ELL2: variants seen among roughly 807,000 people sequenced by gnomAD.
ELL2 encodes the protein RNA polymerase II elongation factor ELL2.
Under a neutral mutation model 72.8 loss-of-function variants are expected in ELL2, and 21 were observed. The ratio of observed to expected loss-of-function variants is 0.29; its 90% CI spans 0.20 to 0.42. The LOEUF (loss-of-function observed/expected upper bound fraction) is 0.42. Ranked by LOEUF, ELL2 falls within the 10% of genes least tolerant of loss-of-function variation. ELL2 has a pLI of 1.00. For missense variants in ELL2, 568 were observed against 772.8 expected, an observed-to-expected ratio of 0.73 and a Z score of 3.14; for synonymous variants, 266 against 283.2, an observed-to-expected ratio of 0.94 and a Z score of 0.61.
intron 5 of ELL2, among the ~76,000 whole-genome samples, chr5:95,906,070 A>G (rs1044324995): frequency 1.3e-5 from 2 of 152,224 alleles, no homozygotes; most frequent in Non-Finnish European, 2.9e-5. Context: ...AAAAAGATAG[A>G]GTAATAAGGG....
rs1748486094 is a variant in ELL2, at chr5:95,886,985, T to TATC, written c.*1883_*1885dup. On this transcript the variant is annotated 3_prime_UTR_variant, in exon 12 of 12. Coordinates refer to ENST00000237853, the MANE Select transcript of ELL2 (RefSeq NM_012081.6). ...TATAGACGAACCACTCAGGAGACTC[T>TATC]ATCATAATAATATGATGCCTGAATT... 2 of 152,222 alleles carry TATC rather than the reference T, an allele frequency of 1.3e-5. No homozygotes were observed. Among genetic ancestry groups the TATC allele is most frequent in the Admixed American group, 6.5e-5 (1 of 15,272 alleles). 9.4% of individuals were successfully genotyped at this position (152,222 alleles called of 1,614,324 possible).
At chr5:95,950,814 A>G (rs1467937216) in intron 1 of ELL2, among the ~76,000 whole-genome samples, 1 of 149,224 alleles carries the variant, frequency 6.7e-6, no homozygotes, top group East Asian at 2.0e-4. Flanking sequence ...ATTTAGCACA[A>G]TCCTTGTTTT....
chr5:95,889,039 A>G, intron 11 of ELL2, 47 bp downstream of exon 11: 1 of 1,593,478 alleles, frequency 6.3e-7, no homozygotes, highest in Middle Eastern at 1.7e-4. Context: ...CAGAATTTAC[A>G]ACATTTTTCA....
At position 95,907,292 on chromosome 5, in the gene ELL2, A is replaced by ATTTTTTT. The variant is rs895711670; in HGVS notation, c.482-511_482-510insAAAAAAA. Among the ~76,000 whole-genome samples the ATTTTTTT allele has an allele frequency of 9.9e-3, 749 of 75,988 alleles. 13 individuals are homozygous for ATTTTTTT. The highest frequency in any genetic ancestry group is 0.054 in the African/African-American group (722 of 13,404). The allele number at this position is 75,988 out of a possible 152,430, so 49.9% of individuals were successfully genotyped here. On this transcript the variant is annotated intron_variant, in intron 4 of 11. Coordinates refer to ENST00000237853, the MANE Select transcript of ELL2 (RefSeq NM_012081.6). ...ATCCGTTAGTGATATATATATATAT[A>ATTTTTTT]TATATTTTTTTTTTTTACAGGCCAA...
chr5:95,919,862 T>C (rs1043555966), intron 2 of ELL2, among the ~76,000 whole-genome samples: 2 of 152,204 alleles, frequency 1.3e-5, no homozygotes, highest in African/African-American at 4.8e-5. Flanking sequence ...GAAAGAGTTA[T>C]TAGTGAATTT....
chr5:95,938,593 G>GC (rs1373085529), intron 2 of ELL2, among the ~76,000 whole-genome samples: 1 of 152,064 alleles, frequency 6.6e-6, no homozygotes, highest in Non-Finnish European at 1.5e-5. Flanking sequence ...TCATGGCTGT[G>GC]TATCTATAAT....
intron 4 of ELL2, among the ~76,000 whole-genome samples, chr5:95,907,296 A>ATATATATTTTTTTTTTTTTT: frequency 1.4e-4 from 16 of 116,482 alleles, no homozygotes; most frequent in African/African-American, 6.1e-4. Context: ...ATATATATAT[A>ATATATATTTTTTTTTTTTTT]TTTTTTTTTT....
chr5:95,904,013 A>G lies in ELL2; in HGVS notation c.741+2510T>C, dbSNP rs113270639. On this transcript the variant is annotated intron_variant, in intron 5 of 11. Coordinates refer to ENST00000237853, the MANE Select transcript of ELL2 (RefSeq NM_012081.6). ...TTATCACAAAATATTAGGCTCTTTAAGTAGTCTCTCTCCTCTACTCCTGCC... is the reference window on the plus strand; with the variant it reads ...TTATCACAAAATATTAGGCTCTTTAGGTAGTCTCTCTCCTCTACTCCTGCC... Among the ~76,000 whole-genome samples, 641 of 152,322 alleles carry G rather than the reference A, an allele frequency of 4.2e-3. 8 individuals carry two copies. Among genetic ancestry groups the G allele is most frequent in the African/African-American group, 0.015 (617 of 41,558 alleles).
At chr5:95,905,008 T>C (rs1749300321) in intron 5 of ELL2, among the ~76,000 whole-genome samples, 1 of 152,172 alleles carries the variant, frequency 6.6e-6, no homozygotes, top group African/African-American at 2.4e-5. Flanking sequence ...AGCTCGTATA[T>C]TAGAATCATT....
chr5:95,958,291 T>C (rs958064497), intron 1 of ELL2, among the ~76,000 whole-genome samples: 1 of 152,202 alleles, frequency 6.6e-6, no homozygotes, highest in African/African-American at 2.4e-5. Flanking sequence ...CTATTTCTAA[T>C]AACGATGGAA....
At chr5:95,906,391 A>G in intron 5 of ELL2, 132 bp downstream of exon 5, 1 of 938,184 alleles carries the variant, frequency 1.1e-6, no homozygotes, top group Non-Finnish European at 1.5e-6. Flanking sequence ...GTTGTATTTC[A>G]CATACCACTG....
At chr5:95,924,308 A>G (rs1369291428) in intron 2 of ELL2, among the ~76,000 whole-genome samples, 1 of 152,168 alleles carries the variant, frequency 6.6e-6, no homozygotes, top group East Asian at 1.9e-4. Context: ...TACGAGGAGG[A>G]GGAAGTGAAA....
chr5:95,905,239 A>G lies in ELL2; in HGVS notation c.741+1284T>C, dbSNP rs112822049. On this transcript the variant is annotated intron_variant, in intron 5 of 11. Transcript: ENST00000237853. ...TTTATCTACACTTTGAGATACGCGC[A>G]CACACACACACACACGTATATATAT... Among the ~76,000 whole-genome samples the G allele has an allele frequency of 5.8e-3, 852 of 147,376 alleles. 3 individuals are homozygous for G. Among genetic ancestry groups the G allele is most frequent in the Middle Eastern group, 0.028 (8 of 282 alleles).
At chr5:95,914,222 G>T (rs1411866911) in intron 3 of ELL2, among the ~76,000 whole-genome samples, 1 of 151,972 alleles carries the variant, frequency 6.6e-6, no homozygotes, top group Non-Finnish European at 1.5e-5. Flanking sequence ...GTTCTGATGG[G>T]CATTGTAGTT....
chr5:95,900,752 C>G lies in ELL2; in HGVS notation c.895G>C (p.Gly299Arg). 6.2e-7 allele frequency: 1 copy of G among 1,609,382 alleles called. No individual in the cohort carries two copies. The highest frequency in any genetic ancestry group is 8.5e-7 in the Non-Finnish European group (1 of 1,178,154). ...ACAGGAGATTCTGAACGGCTGGTGC[C>G]TGCAGCATTCTGAGACGGATTTAGT... ...RKLNPSQNAA[G>R]TSRSESPVCS... The change falls in exon 7 of 12, where the codon GGC (glycine) becomes CGC (arginine). Residue 299 changes from glycine (G) to arginine (R), a missense_variant. Around this residue, in one of 2 missense-constraint regions of ELL2, gnomAD observed 511 missense variants for 728.4 expected, o/e 0.70. Coordinates refer to ENST00000237853, the MANE Select transcript of ELL2 (RefSeq NM_012081.6).
chr5:95,890,839 C>T (rs1748633983), intron 10 of ELL2: 5 of 445,098 alleles, frequency 1.1e-5, no homozygotes, highest in African/African-American at 2.0e-5. Flanking sequence ...ACTTTTTTTC[C>T]TATTTAGTTG....
At chr5:95,955,708 T>C (rs1259526463) in intron 1 of ELL2, among the ~76,000 whole-genome samples, 3 of 152,216 alleles carry the variant, frequency 2.0e-5, no homozygotes, top group African/African-American at 7.2e-5. Flanking sequence ...AGCTGAGGTA[T>C]GCAGGACAGT....
chr5:95,950,961 T>G (rs1190081400), intron 1 of ELL2, among the ~76,000 whole-genome samples: 5 of 115,228 alleles, frequency 4.3e-5, no homozygotes, highest in South Asian at 5.8e-4. Context: ...TATAAAATCT[T>G]CATATATATG....
At chr5:95,914,417 T>A (rs1476866352) in intron 3 of ELL2, among the ~76,000 whole-genome samples, 2 of 152,308 alleles carry the variant, frequency 1.3e-5, no homozygotes, top group Admixed American at 6.5e-5. Flanking sequence ...CTGACAAAAA[T>A]TAAAGCTTAC....
Sources: gnomAD v4.1 joint callset for allele counts (sites outside exome capture counted in the v4.1 genomes callset) on GRCh38, gnomAD v4.1.1 for gene constraint, gnomAD v4.1.1 regional missense constraint, MANE v1.5 for transcripts, NCBI Gene and HGNC (gene_info 2026-07-23, HGNC 2026-07-21) for gene names.